NLRP2: variants seen among roughly 807,000 people sequenced by gnomAD.
NLRP2 encodes the protein NACHT, LRR and PYD domains-containing protein 2.
Under a neutral mutation model 97.2 loss-of-function variants are expected in NLRP2, and 107 were observed. The observed-to-expected ratio is 1.10, with a 90% CI of 0.94 to 1.29. NLRP2 has a LOEUF of 1.29. NLRP2 is among the 50% of genes most tolerant of loss of function. NLRP2 has a pLI of 0.00. For missense variants in NLRP2, 1,495 were observed against 1,330.3 expected, an observed-to-expected ratio of 1.12 and a Z score of -1.93; for synonymous variants, 663 against 551.5, an observed-to-expected ratio of 1.20 and a Z score of -2.83.
At position 54,973,754 on chromosome 19, in the gene NLRP2, C is replaced by G. The variant is rs16986144; in HGVS notation, c.281-746C>G. Reference sequence around the variant, plus strand: ...GGAAACCCAGAGAGTTGTAAACTTACGAAGGTCTGGGCTCTGAAAAAGATA... The same window carrying G: ...GGAAACCCAGAGAGTTGTAAACTTAGGAAGGTCTGGGCTCTGAAAAAGATA... On this transcript the variant is annotated intron_variant, in intron 2 of 12. Coordinates refer to ENST00000448584, the MANE Select transcript of NLRP2 (RefSeq NM_017852.5). The G allele has an allele frequency of 2.9e-3, 1,475 of 500,628 alleles. 6 individuals carry two copies. The highest frequency in any genetic ancestry group is 7.5e-3 in the African/African-American group (383 of 51,386). The allele number at this position is 500,628 out of a possible 1,614,324, so 31.0% of individuals were successfully genotyped here.
In NLRP2 at chr19:54,973,754, C is replaced by A. The variant is rs16986144; in HGVS notation, c.281-746C>A. ...GGAAACCCAGAGAGTTGTAAACTTACGAAGGTCTGGGCTCTGAAAAAGATA... is the reference window on the plus strand; with the variant it reads ...GGAAACCCAGAGAGTTGTAAACTTAAGAAGGTCTGGGCTCTGAAAAAGATA... On this transcript the variant is annotated intron_variant, in intron 2 of 12. Coordinates refer to ENST00000448584, the MANE Select transcript of NLRP2 (RefSeq NM_017852.5). The A allele has an allele frequency of 1.6e-5, 8 of 500,644 alleles. No homozygotes were observed. The East Asian group carries it at 4.1e-4, about 25-fold the overall frequency. 31.0% of individuals were successfully genotyped at this position (500,644 alleles called of 1,614,324 possible). A position where few individuals can be genotyped will look rare whatever the true frequency, so the allele number is the denominator to read the frequency against.
intron 12 of NLRP2, among the ~76,000 whole-genome samples, chr19:55,000,168 A>C (rs2073094704): frequency 6.8e-6 from 1 of 147,822 alleles, no homozygotes; most frequent in Non-Finnish European, 1.5e-5. Flanking sequence ...AGTCCCAGCT[A>C]CTCGGGAGGC....
rs1179005483 is a variant in NLRP2, at chr19:54,998,631, C to CT, written c.3050+1165dup. 6.4e-3 allele frequency among the ~76,000 whole-genome samples: 390 copies of CT among 60,998 alleles called. 1 individual carries two copies. The highest frequency in any genetic ancestry group is 0.018 in the Middle Eastern group (2 of 110). 40.0% of individuals were successfully genotyped at this position (60,998 alleles called of 152,430 possible). ...TTTTTCTTTTTTTTTTTTTTTTTTC[C>CT]TTTTTTTTTTTTTTTTTTTTTATTG... On this transcript the variant is annotated intron_variant, in intron 12 of 12. Transcript: ENST00000448584.
intron 1 of NLRP2, among the ~76,000 whole-genome samples, 160 bp downstream of exon 1, chr19:54,966,627 G>A (rs563342849): frequency 4.3e-4 from 65 of 151,442 alleles, no homozygotes; most frequent in African/African-American, 1.5e-3. Context: ...CTCACTGCAA[G>A]CTCCGCCTCC....
At chr19:54,984,329 GTTTTTTTTT>G (rs200366059) in intron 6 of NLRP2, among the ~76,000 whole-genome samples, 950 of 79,728 alleles carry the variant, frequency 0.012, 26 homozygotes, top group Middle Eastern at 0.053. Flanking sequence ...TTTTTTTTGT[GTTTTTTTTT>G]TTTTTTTTTT....
intron 10 of NLRP2, among the ~76,000 whole-genome samples, chr19:54,992,556 C>CCTT (rs2072552830): frequency 1.2e-5 from 1 of 82,520 alleles, no homozygotes; most frequent in Non-Finnish European, 2.1e-5. Context: ...GGGGGGTTTT[C>CCTT]TTTTTTTTTT....
chr19:54,990,493 C>A lies in NLRP2; in HGVS notation c.2538-9C>A, dbSNP rs753695838. 6.2e-7 allele frequency: 1 copy of A among 1,614,064 alleles called. No individual in the cohort carries two copies. The highest frequency in any genetic ancestry group is 8.5e-7 in the Non-Finnish European group (1 of 1,179,962). Reference sequence around the variant, plus strand: ...GTCAACCGTGTTGCCATTTGTGATTCTTTTGTAGGTTGGAAAACTGTCACC... The same window carrying A: ...GTCAACCGTGTTGCCATTTGTGATTATTTTGTAGGTTGGAAAACTGTCACC... On this transcript the variant is annotated splice_polypyrimidine_tract_variant and intron_variant, in intron 9 of 12. Transcript: ENST00000448584.
chr19:54,966,785 C>G (rs951944228), intron 1 of NLRP2, among the ~76,000 whole-genome samples: 1 of 149,964 alleles, frequency 6.7e-6, no homozygotes, highest in Non-Finnish European at 1.5e-5. Context: ...CTCGGCCTCC[C>G]AAGGTGCCGG....
intron 11 of NLRP2, among the ~76,000 whole-genome samples, chr19:54,996,757 T>TC (rs764903498): frequency 2.0e-5 from 3 of 151,428 alleles, no homozygotes; most frequent in East Asian, 2.0e-4. Flanking sequence ...CCTGGAGAAC[T>TC]CCCCCCCGAG....
intron 3 of NLRP2, among the ~76,000 whole-genome samples, chr19:54,975,994 C>T (rs998154975): frequency 1.3e-5 from 2 of 151,978 alleles, no homozygotes; most frequent in African/African-American, 4.8e-5. Context: ...AGTGATCCTC[C>T]CACCTTGGCC....
Position 55,001,041 on chromosome 19 carries a change from CCT to C in NLRP2, c.*146_*147del. 2 of 726,402 alleles carry C rather than the reference CCT, an allele frequency of 2.8e-6. No individual in the cohort carries two copies. Among genetic ancestry groups the C allele is most frequent in the Admixed American group, 2.2e-5 (1 of 46,118 alleles). The allele number at this position is 726,402 out of a possible 1,614,324, so 45.0% of individuals were successfully genotyped here. ...GCTAGATGTTTTAGCCATGATTCTGCCTCTGTTTTATACCTGCACACATCCTT... is the reference window on the plus strand; with the variant it reads ...GCTAGATGTTTTAGCCATGATTCTGCCTGTTTTATACCTGCACACATCCTT... On this transcript the variant is annotated 3_prime_UTR_variant, in exon 13 of 13. Transcript: ENST00000448584.
chr19:54,997,445 T>C lies in NLRP2; in HGVS notation c.3008T>C (p.Phe1003Ser). ...GGGTCTAGTGGAGTGAAGATGCTGT[T>C]TGAAACCTTGACATGTTCCAGTGGC... is the stretch of plus-strand genomic sequence containing the variant. Reference protein sequence around the residue: ...PLGSSGVKMLFETLTCSSGTL... With the variant: ...PLGSSGVKMLSETLTCSSGTL... The change falls in exon 12 of 13, where the codon TTT becomes TCT. Residue 1003 changes from phenylalanine to serine, a missense_variant. Phe to Ser is a radical substitution (Grantham distance 155). Transcript: ENST00000448584. 1 of 1,614,210 alleles carries C rather than the reference T, an allele frequency of 6.2e-7. No individual in the cohort carries two copies. Among genetic ancestry groups the C allele is most frequent in the Non-Finnish European group, 8.5e-7 (1 of 1,180,028 alleles).
In NLRP2 at chr19:54,983,097, C is replaced by T. The variant is rs1300799865; in HGVS notation, c.1399C>T (p.Arg467Ter). 24 of 1,613,304 alleles carry T rather than the reference C, an allele frequency of 1.5e-5. No individual in the cohort carries two copies. Among genetic ancestry groups the T allele is most frequent in the African/African-American group, 2.7e-5 (2 of 74,904 alleles). Residue 467 changes from arginine to a stop codon, truncating the protein, a stop_gained, in exon 6 of 13, where the codon CGA (arginine) becomes TGA (stop). Transcript: ENST00000448584. LOFTEE classifies it high-confidence loss of function. ...GLWAQTSVLH[R>*]EDLERLGVQE... The stretch of plus-strand genomic sequence containing the variant: ...GTGGGCGCAGACGTCCGTGCTTCAC[C>T]GAGAGGATCTGGAAAGGCTCGGGGT...
At chr19:54,982,136 C>A in intron 5 of NLRP2, 26 bp from the exon 6 acceptor site, 6 of 1,613,610 alleles carry the variant, frequency 3.7e-6, no homozygotes, top group Non-Finnish European at 5.1e-6. Context: ...CATCCTCTCT[C>A]CCTTCCCTCC....
chr19:54,988,478 A>G (rs2072243622), intron 8 of NLRP2, among the ~76,000 whole-genome samples: 2 of 152,006 alleles, frequency 1.3e-5, no homozygotes, highest in Non-Finnish European at 2.9e-5. Flanking sequence ...TTGTATTTCT[A>G]GTAGAGACAG....
intron 2 of NLRP2, 138 bp downstream of exon 2, chr19:54,970,433 C>T: frequency 2.1e-6 from 2 of 935,208 alleles, no homozygotes; most frequent in Non-Finnish European, 3.4e-6. Flanking sequence ...GTTGGACCAC[C>T]TGAGGGTCAG....
intron 3 of NLRP2, among the ~76,000 whole-genome samples, chr19:54,977,293 T>TA (rs1306163906): frequency 6.6e-6 from 1 of 151,974 alleles, no homozygotes; most frequent in Non-Finnish European, 1.5e-5. Flanking sequence ...TGGTGGCACA[T>TA]TCCTGTAATC....
rs12982794 is a variant in NLRP2 at position 54,999,042 on chromosome 19, A to C, written c.3050+1555A>C. On this transcript the variant is annotated intron_variant, in intron 12 of 12. Transcript: ENST00000448584. ...TGACCCCCCCACCTCCCTCCCGGAC[A>C]GGGCGGCTGGCCGGTTAGAGGGGCT... 1.5e-5 allele frequency among the ~76,000 whole-genome samples: 2 copies of C among 136,102 alleles called. 1 individual carries two copies. Among genetic ancestry groups the C allele is most frequent in the Non-Finnish European group, 3.3e-5 (2 of 60,952 alleles). 89.3% of individuals were successfully genotyped at this position (136,102 alleles called of 152,430 possible).
Position 54,983,259 on chromosome 19 carries a change from G to A in NLRP2, c.1561G>A (p.Glu521Lys). The stretch of plus-strand genomic sequence containing the variant: ...CCTGTTCTACACCCTGGAGAAGGAG[G>A]AGGAAGAGGATAGGGACGGCCACAC... ...TALFYTLEKE[E>K]EEDRDGHTWD... The change falls in exon 6 of 13, where the codon GAG becomes AAG. Residue 521 changes from glutamate (E) to lysine (K), a missense_variant. Transcript: ENST00000448584. The A allele has an allele frequency of 1.9e-6, 3 of 1,613,404 alleles. No individual in the cohort carries two copies. The highest frequency in any genetic ancestry group is 2.5e-6 in the Non-Finnish European group (3 of 1,179,354).
Sources: allele counts gnomAD v4.1 joint callset (sites outside exome capture counted in the v4.1 genomes callset), GRCh38; gene constraint gnomAD v4.1.1; transcripts MANE v1.5; gene names NCBI Gene and HGNC (gene_info 2026-07-23, HGNC 2026-07-21).